The following SRRM2 variants were observed in gnomAD, a reference collection of about 807,000 sequenced individuals.
The protein encoded by SRRM2 is serine/arginine repetitive matrix protein 2.
Under a neutral mutation model 213.8 loss-of-function variants are expected in SRRM2, and 30 were observed. The ratio of observed to expected loss-of-function variants is 0.14; its 90% CI spans 0.10 to 0.19. The LOEUF (loss-of-function observed/expected upper bound fraction) is 0.19, where lower values mean the gene tolerates loss of function less well. SRRM2 is among the 10% of genes least tolerant of loss of function. The probability of loss-of-function intolerance (pLI) is 1.00; values close to 1 mark genes in which losing one functional copy is unlikely to be tolerated. For synonymous variants in SRRM2, 2,025 were observed against 1,377.7 expected (o/e 1.47, Z -10.40); for missense variants, 4,904 against 3,647.0 (o/e 1.34, Z -8.88).
Position 2,762,862 on chromosome 16 carries a change from C to G in SRRM2, c.2334C>G (p.Ser778Arg). ...KAKSRLSLRR[S>R]LSGSSPCPKQ... ...AATCTCGCTTGTCTTTGAGGCGCAG[C>G]CTTTCAGGGTCTTCCCCATGCCCTA... is the stretch of plus-strand genomic sequence containing the variant. The change falls in exon 11 of 15, where the codon AGC becomes AGG. Residue 778 changes from serine to arginine, a missense_variant. Ser to Arg is a moderately radical substitution (Grantham distance 110). Coordinates refer to ENST00000301740, the MANE Select transcript of SRRM2 (RefSeq NM_016333.4). 1 of 1,614,190 alleles carries G rather than the reference C, an allele frequency of 6.2e-7. No homozygotes were observed. The highest frequency in any genetic ancestry group is 1.1e-5 in the South Asian group (1 of 91,080).
intron 12 of SRRM2, chr16:2,769,707 T>C (rs758231687): frequency 1.9e-5 from 9 of 481,452 alleles, no homozygotes; most frequent in Non-Finnish European, 3.3e-5. Flanking sequence ...CACATCTGGC[T>C]ACTTCCCTCC....
At position 2,764,566 on chromosome 16, in the gene SRRM2, A is replaced by C. The variant is rs1157125205; in HGVS notation, c.4038A>C (p.Gly1346=). The part of the protein sequence containing the change: ...SGPLGTEMNT[G]FSSEVKEDLN... ...CACTTGGTACAGAAATGAATACTGG[A>C]TTTTCTTCTGAGGTTAAAGAAGATT... is the stretch of plus-strand genomic sequence containing the variant. Residue 1346 remains glycine (G), a synonymous_variant, in exon 11 of 15, where the codon GGA becomes GGC. Transcript: ENST00000301740. The C allele has an allele frequency of 1.2e-6, 2 of 1,614,050 alleles. No individual in the cohort carries two copies. Among genetic ancestry groups the C allele is most frequent in the Non-Finnish European group, 1.7e-6 (2 of 1,180,048 alleles).
In SRRM2 at chr16:2,762,001, G is replaced by T; in HGVS notation, c.1473G>T (p.Lys491Asn). ...GGTCCCGTAGCCCTGCCACCGCTAA[G>T]AGAGGGCGATCTCGGTCTCGAACCC... The part of the protein sequence containing the change: ...MGRSRSPATA[K>N]RGRSRSRTPT... Residue 491 changes from lysine to asparagine, a missense_variant, in exon 11 of 15, where the codon AAG becomes AAT. Transcript: ENST00000301740. 6.2e-7 allele frequency: 1 copy of T among 1,614,168 alleles called. No homozygotes were observed. The highest frequency in any genetic ancestry group is 1.1e-5 in the South Asian group (1 of 91,088).
chr16:2,767,894 T>A lies in SRRM2; in HGVS notation c.7366T>A (p.Ser2456Thr). 1 of 1,614,190 alleles carries A rather than the reference T, an allele frequency of 6.2e-7. No homozygotes were observed. Among genetic ancestry groups the A allele is most frequent in the Non-Finnish European group, 8.5e-7 (1 of 1,180,044 alleles). ...QPRSPVPSAF[S>T]DQSRCLIAQT... ...GAGGTCTCCTGTGCCTTCTGCTTTT[T>A]CAGACCAATCCCGTTGTTTGATTGC... The change falls in exon 11 of 15, where the codon TCA (serine) becomes ACA (threonine). Residue 2456 changes from serine (S) to threonine (T), a missense_variant. By Grantham distance (58) the Ser-to-Thr change is moderately conservative. Transcript: ENST00000301740.
chr16:2,759,715 T>C, intron 9 of SRRM2, 54 bp downstream of exon 9: 2 of 1,524,364 alleles, frequency 1.3e-6, no homozygotes, highest in East Asian at 2.3e-5. Flanking sequence ...GTTAATTAAT[T>C]TAATATTTAT....
Position 2,764,628 on chromosome 16 carries a change from C to T in SRRM2, c.4100C>T (p.Pro1367Leu), listed in dbSNP as rs766639936. 30 of 1,614,178 alleles carry T rather than the reference C, an allele frequency of 1.9e-5. No homozygotes were observed. Among genetic ancestry groups the T allele is most frequent in the Non-Finnish European group, 2.4e-5 (28 of 1,180,040 alleles). Residue 1367 changes from proline to leucine, a missense_variant, in exon 11 of 15, where the codon CCA becomes CTA. Pro to Leu is a moderately conservative substitution (Grantham distance 98). Coordinates refer to ENST00000301740, the MANE Select transcript of SRRM2 (RefSeq NM_016333.4). ...TTTCTTAATCAGCTGGAAACAGATC[C>T]ATCTCTAGACATGAAAGAACAATCG... The part of the protein sequence containing the change: ...GPFLNQLETD[P>L]SLDMKEQSTR...
intron 5 of SRRM2, 165 bp from the exon 6 acceptor site, chr16:2,758,820 T>G: frequency 1.3e-6 from 1 of 770,006 alleles, no homozygotes. Context: ...AGGAGTTACT[T>G]GTGCTTGTTG....
At chr16:2,754,199 C>A (rs976838229) in intron 1 of SRRM2, among the ~76,000 whole-genome samples, 1 of 151,984 alleles carries the variant, frequency 6.6e-6, no homozygotes, top group African/African-American at 2.4e-5. Flanking sequence ...GTGGGGTCGT[C>A]GTCTTTTTTT....
chr16:2,756,289 G>T, intron 1 of SRRM2, 45 bp from the exon 2 acceptor site: 1 of 1,462,562 alleles, frequency 6.8e-7, no homozygotes, highest in Non-Finnish European at 9.0e-7. Context: ...TAAGTGGTTA[G>T]TTTGGGGCCA....
chr16:2,765,555 C>G lies in SRRM2; in HGVS notation c.5027C>G (p.Pro1676Arg), dbSNP rs1250596303. 1.2e-6 allele frequency: 2 copies of G among 1,614,088 alleles called. No homozygotes were observed. The highest frequency in any genetic ancestry group is 1.7e-5 in the Admixed American group (1 of 60,012). Residue 1676 changes from proline to arginine, a missense_variant, in exon 11 of 15, where the codon CCA becomes CGA. Coordinates refer to ENST00000301740, the MANE Select transcript of SRRM2 (RefSeq NM_016333.4). ...RTARRGSRSS[P>R]EPKTKSRTPP... The stretch of plus-strand genomic sequence containing the variant: ...GCTCGCAGAGGTTCCAGGTCATCAC[C>G]AGAGCCCAAGACCAAGTCTCGTACA...
chr16:2,761,548 C>G lies in SRRM2; in HGVS notation c.1033-13C>G. On this transcript the variant is annotated splice_polypyrimidine_tract_variant and intron_variant, in intron 10 of 14. Coordinates refer to ENST00000301740, the MANE Select transcript of SRRM2 (RefSeq NM_016333.4). ...TTATGAATCCCTATCCCTGCTCTCT[C>G]TTCCACTCTTAGAAATCTGCAACTC... The G allele has an allele frequency of 4.0e-6, 6 of 1,497,014 alleles. No homozygotes were observed. Among genetic ancestry groups the G allele is most frequent in the Non-Finnish European group, 5.3e-6 (6 of 1,124,380 alleles). 92.7% of individuals were successfully genotyped at this position (1,497,014 alleles called of 1,614,324 possible).
intron 12 of SRRM2, chr16:2,769,908 A>C: frequency 2.2e-6 from 1 of 446,378 alleles, no homozygotes; most frequent in Admixed American, 2.5e-5. Context: ...GCCTTTGGAC[A>C]TGCTGTTCCT....
chr16:2,769,563 C>A, intron 12 of SRRM2: 1 of 645,674 alleles, frequency 1.5e-6, no homozygotes, highest in South Asian at 1.6e-5. Flanking sequence ...CTAGCTTTGT[C>A]TCCCTGTTGC....
rs777929992 is a variant in SRRM2, at chr16:2,766,634, C to T, written c.6106C>T (p.Leu2036=). The change falls in exon 11 of 15, where the codon CTG becomes TTG. Residue 2036 remains leucine (L), a synonymous_variant. Transcript: ENST00000301740. The surrounding 1 kb of genome is among the most constrained non-coding windows in gnomAD (Gnocchi z 7.0). ...GCGCCGCTCTAGATCTCGAACGCCA[C>T]TGTTACCACGCAAACGTTCTCGAAG... The part of the protein sequence containing the change: ...IRRRSRSRTP[L]LPRKRSRSRS... The T allele has an allele frequency of 3.7e-6, 6 of 1,613,920 alleles. No homozygotes were observed. Among genetic ancestry groups the T allele is most frequent in the Non-Finnish European group, 4.2e-6 (5 of 1,179,932 alleles).
At position 2,766,235 on chromosome 16, in the gene SRRM2, A is replaced by T; in HGVS notation, c.5707A>T (p.Arg1903Trp). Residue 1903 changes from arginine to tryptophan, a missense_variant, in exon 11 of 15, where the codon AGG becomes TGG. Physicochemically the swap from Arg to Trp is moderately radical, Grantham distance 101. Coordinates refer to ENST00000301740, the MANE Select transcript of SRRM2 (RefSeq NM_016333.4). The surrounding 1 kb of genome is among the most constrained non-coding windows in gnomAD (Gnocchi z 7.0). ...AGTCAGCCGGAGACGGTCAAGGTCC[A>T]GGACTTCAGTGACTCGACGAAGATC... ...SPVSRRRSRS[R>W]TSVTRRRSRS... is the part of the protein sequence containing the mutation. The T allele has an allele frequency of 6.2e-7, 1 of 1,614,204 alleles. No homozygotes were observed. The highest frequency in any genetic ancestry group is 8.5e-7 in the Non-Finnish European group (1 of 1,180,036).
chr16:2,769,348 C>CT (rs2068657783), intron 12 of SRRM2, 64 bp downstream of exon 12: 1 of 1,509,174 alleles, frequency 6.6e-7, no homozygotes. Context: ...AGAAGGGGCC[C>CT]TGGGGTGTGA....
In SRRM2 at chr16:2,771,399, G is replaced by C; in HGVS notation, c.*532G>C. ...GCAACTTTTTCTGTCAAATAAAAATGAGAAATGCAGGAACTGGGTCTGTAG... is the reference window on the plus strand; with the variant it reads ...GCAACTTTTTCTGTCAAATAAAAATCAGAAATGCAGGAACTGGGTCTGTAG... On this transcript the variant is annotated 3_prime_UTR_variant, in exon 15 of 15. Transcript: ENST00000301740. The C allele has an allele frequency of 6.2e-7, 1 of 1,609,616 alleles. No homozygotes were observed. Among genetic ancestry groups the C allele is most frequent in the Non-Finnish European group, 8.5e-7 (1 of 1,176,284 alleles).
At position 2,763,345 on chromosome 16, in the gene SRRM2, TAGG is replaced by T. The variant is rs2068430021; in HGVS notation, c.2818_2820del (p.Arg940del). Reference sequence around the variant, plus strand: ...CTGGCTCCTCTTCTCCAAGTCCTAGTAGGGTGACGTCGAGAACAACTCCACGGC... The same window carrying T: ...CTGGCTCCTCTTCTCCAAGTCCTAGTGTGACGTCGAGAACAACTCCACGGC... On this transcript the variant is annotated inframe_deletion, in exon 11 of 15. Transcript: ENST00000301740. 1 of 1,614,014 alleles carries T rather than the reference TAGG, an allele frequency of 6.2e-7. No individual in the cohort carries two copies. The highest frequency in any genetic ancestry group is 8.5e-7 in the Non-Finnish European group (1 of 1,180,028).
rs766569665 is a variant in SRRM2, at chr16:2,769,081, C to T, written c.7818C>T (p.Arg2606=). The T allele has an allele frequency of 2.5e-6, 4 of 1,614,110 alleles. No homozygotes were observed. In the South Asian group the frequency reaches 3.3e-5, roughly 13 times the overall value. ...CAACCCCAGCCAAACGGAAGAGGCG[C>T]TCTAGCAGTTCCAGTTCCAGCTCCT... ...PEPTPAKRKR[R]SSSSSSSSSS... The change falls in exon 12 of 15, where the codon CGC becomes CGT. Residue 2606 remains arginine (R), a synonymous_variant. Coordinates refer to ENST00000301740, the MANE Select transcript of SRRM2 (RefSeq NM_016333.4).
Sources: gnomAD v4.1 joint callset for allele counts (sites outside exome capture counted in the v4.1 genomes callset) on GRCh38, gnomAD v4.1.1 for gene constraint, Gnocchi (gnomAD v3.1) non-coding constraint, MANE v1.5 for transcripts, NCBI Gene and HGNC (gene_info 2026-07-23, HGNC 2026-07-21) for gene names.